FAM228A: variants seen among roughly 807,000 people sequenced by gnomAD.
The protein encoded by FAM228A is family with sequence similarity 228 member A.
Under a neutral mutation model 18.6 loss-of-function variants are expected in FAM228A, and 13 were observed. The observed-to-expected ratio is 0.70, with a 90% CI of 0.45 to 1.11. The LOEUF (loss-of-function observed/expected upper bound fraction) is 1.11, where lower values mean the gene tolerates loss of function less well. Among genes scored for constraint, FAM228A ranks in the 50% least tolerant of loss-of-function variants. The pLI is 0.00. For synonymous variants in FAM228A, 77 were observed against 86.6 expected, an observed-to-expected ratio of 0.89 and a Z score of 0.61; for missense variants, 240 against 242.2, an observed-to-expected ratio of 0.99 and a Z score of 0.06.
intron 2 of FAM228A, chr2:24,175,839 G>T: frequency 8.6e-7 from 1 of 1,163,966 alleles, no homozygotes; most frequent in Non-Finnish European, 1.1e-6. Context: ...CAGAAGCCAG[G>T]TCTGGGCTTG....
In FAM228A at chr2:24,190,853, C is replaced by T. The variant is rs1668067510; in HGVS notation, c.*222C>T. The T allele has an allele frequency of 1.6e-6, 2 of 1,239,444 alleles. No homozygotes were observed. Among genetic ancestry groups the T allele is most frequent in the African/African-American group, 1.5e-5 (1 of 65,074 alleles). The allele number at this position is 1,239,444 out of a possible 1,614,324, so 76.8% of individuals were successfully genotyped here. The stretch of plus-strand genomic sequence containing the variant: ...CACTTTCCGGAGACATCCTGTCCTT[C>T]CGAGGTGAGGGCCAACCTGGCCACA... On this transcript the variant is annotated 3_prime_UTR_variant, in exon 6 of 6. Coordinates refer to ENST00000295150, the MANE Select transcript of FAM228A (RefSeq NM_001040710.3).
At chr2:24,184,665 A>G (rs1156615302) in intron 5 of FAM228A, among the ~76,000 whole-genome samples, 1 of 152,022 alleles carries the variant, frequency 6.6e-6, no homozygotes, top group African/African-American at 2.4e-5. Context: ...CACAATCCAC[A>G]TTTGTTATTT....
At chr2:24,185,410 T>C (rs903100945) in intron 5 of FAM228A, among the ~76,000 whole-genome samples, 1 of 152,216 alleles carries the variant, frequency 6.6e-6, no homozygotes, top group Non-Finnish European at 1.5e-5. Flanking sequence ...CACCAATATA[T>C]TTTATAATTA....
chr2:24,184,449 T>C (rs532467725), intron 5 of FAM228A, among the ~76,000 whole-genome samples: 1 of 152,276 alleles, frequency 6.6e-6, no homozygotes, highest in Non-Finnish European at 1.5e-5. Context: ...CATGTACAGT[T>C]CATTGTGTGA....
At chr2:24,187,553 C>G (rs1667979090) in intron 5 of FAM228A, among the ~76,000 whole-genome samples, 1 of 152,206 alleles carries the variant, frequency 6.6e-6, no homozygotes, top group Non-Finnish European at 1.5e-5. Context: ...AGAATAGTTT[C>G]ACTGTCCTAA....
At chr2:24,184,061 C>T (rs949058946) in intron 5 of FAM228A, among the ~76,000 whole-genome samples, 46 of 152,152 alleles carry the variant, frequency 3.0e-4, no homozygotes, top group Non-Finnish European at 6.3e-4. Flanking sequence ...TTATGACTGA[C>T]TCTTTAAAAA....
At chr2:24,182,350 C>T (rs1667834942) in intron 3 of FAM228A, among the ~76,000 whole-genome samples, 1 of 152,116 alleles carries the variant, frequency 6.6e-6, no homozygotes, top group Non-Finnish European at 1.5e-5. Context: ...ACAGATTCTT[C>T]TGGTTCTGGG....
intron 1 of FAM228A, 127 bp from the exon 2 acceptor site, chr2:24,175,340 T>G: frequency 2.9e-6 from 2 of 700,590 alleles, no homozygotes; most frequent in Non-Finnish European, 2.5e-6. Flanking sequence ...GGATCCCAGT[T>G]TGTTGGGTGA....
Position 24,183,609 on chromosome 2 carries a change from C to A in FAM228A, c.365C>A (p.Ala122Asp), listed in dbSNP as rs375321711. Residue 122 changes from alanine (A) to aspartate (D), a missense_variant, in exon 5 of 6, where the codon GCC (alanine) becomes GAC (aspartate). Coordinates refer to ENST00000295150, the MANE Select transcript of FAM228A (RefSeq NM_001040710.3). ...GTGATTCCAAAAGAGTGGCATAAAG[C>A]CTCTGCAAGAGCCAGGAGTAAAACT... is the stretch of plus-strand genomic sequence containing the variant. ...HCVIPKEWHK[A>D]SARARSKTYK... The A allele has an allele frequency of 1.2e-5, 19 of 1,612,118 alleles. No individual in the cohort carries two copies. In the East Asian group the frequency reaches 1.8e-4, roughly 15 times the overall value.
chr2:24,180,535 T>G (rs981733207), intron 3 of FAM228A, among the ~76,000 whole-genome samples: 6 of 152,174 alleles, frequency 3.9e-5, no homozygotes, highest in Non-Finnish European at 7.4e-5. Flanking sequence ...TCCTACACAC[T>G]CTTAAGGGGC....
intron 2 of FAM228A, chr2:24,175,897 A>G (rs1166272204): frequency 1.9e-5 from 21 of 1,080,636 alleles, no homozygotes; most frequent in Non-Finnish European, 2.3e-5. Context: ...TTTCTCAAAA[A>G]GTTTCATTAT....
chr2:24,186,788 A>G (rs12613213), intron 5 of FAM228A, among the ~76,000 whole-genome samples: 130,556 of 151,842 alleles, frequency 0.86, 57,645 homozygotes, highest in South Asian at 0.95. Context: ...ATAGGCGCCC[A>G]CCACCACACC....
At chr2:24,176,082 A>G (rs1667683307) in intron 2 of FAM228A, 6 of 985,388 alleles carry the variant, frequency 6.1e-6, no homozygotes, top group Non-Finnish European at 7.2e-6. Flanking sequence ...TTTTCCTTAT[A>G]TTTCCTGGCA....
intron 3 of FAM228A, among the ~76,000 whole-genome samples, chr2:24,182,762 T>C (rs1446756392): frequency 6.6e-6 from 1 of 152,142 alleles, no homozygotes; most frequent in Non-Finnish European, 1.5e-5. Flanking sequence ...AGACAGGATC[T>C]AGCCTGGATG....
At chr2:24,179,327 A>T in intron 3 of FAM228A, 1 of 486,294 alleles carries the variant, frequency 2.1e-6, no homozygotes, top group Non-Finnish European at 2.8e-6. Flanking sequence ...CAAATAGAGT[A>T]TAATTTGAAG....
chr2:24,175,617 C>A, intron 2 of FAM228A, 44 bp downstream of exon 2: 1 of 1,433,648 alleles, frequency 7.0e-7, no homozygotes, highest in Non-Finnish European at 9.8e-7. Flanking sequence ...GGCGGGGGGA[C>A]CCCTCGAGTT....
intron 3 of FAM228A, among the ~76,000 whole-genome samples, chr2:24,182,611 C>CAGTT (rs540546179): frequency 9.9e-5 from 15 of 152,158 alleles, no homozygotes; most frequent in African/African-American, 2.4e-4. Flanking sequence ...CCTTACGGAC[C>CAGTT]AGTTGTCAGC....
chr2:24,190,709 G>A lies in FAM228A; in HGVS notation c.*78G>A. 5 of 1,449,846 alleles carry A rather than the reference G, an allele frequency of 3.4e-6. No homozygotes were observed. The highest frequency in any genetic ancestry group is 1.6e-5 in the South Asian group (1 of 64,160). The allele number at this position is 1,449,846 out of a possible 1,614,324, so 89.8% of individuals were successfully genotyped here. A position where few individuals can be genotyped will look rare whatever the true frequency, so the allele number is the denominator to read the frequency against. On this transcript the variant is annotated 3_prime_UTR_variant, in exon 6 of 6. Coordinates refer to ENST00000295150, the MANE Select transcript of FAM228A (RefSeq NM_001040710.3). ...TGGCCCAAGAAGAAGGGTGTGAAGA[G>A]GAGGAGGGAGAAATGGCGGTGGCCT...
At position 24,188,587 on chromosome 2, in the gene FAM228A, C is replaced by A. The variant is rs888794821; in HGVS notation, c.402-1825C>A. ...TCAGGACATCAACCAGACCCAAAGA[C>A]AAAAATCCACCAAAGATGCTAGAAG... On this transcript the variant is annotated intron_variant, in intron 5 of 5. Transcript: ENST00000295150. The A allele has an allele frequency of 3.0e-6, 3 of 985,246 alleles. No individual in the cohort carries two copies. In the East Asian group the frequency reaches 3.4e-4, roughly 112 times the overall value. The allele number at this position is 985,246 out of a possible 1,614,324, so 61.0% of individuals were successfully genotyped here. A position where few individuals can be genotyped will look rare whatever the true frequency, so the allele number is the denominator to read the frequency against.
Sources: allele counts gnomAD v4.1 joint callset (sites outside exome capture counted in the v4.1 genomes callset), GRCh38; gene constraint gnomAD v4.1.1; transcripts MANE v1.5; gene names NCBI Gene and HGNC (gene_info 2026-07-23, HGNC 2026-07-21).